Variants in GTPBP6 observed in about 807,000 individuals in gnomAD.
GTPBP6 encodes GTP binding protein 6.
A neutral mutation model predicts 28.9 loss-of-function variants in GTPBP6; 33 were observed. That is an observed-to-expected ratio of 1.14 (90% confidence interval 0.87 to 1.53). The LOEUF is 1.53. Among genes scored for constraint, GTPBP6 ranks in the 40% most tolerant of loss-of-function variants. GTPBP6 has a pLI of 0.00. For missense variants in GTPBP6, 507 were observed against 408.3 expected (o/e 1.24, Z -2.08); for synonymous variants, 231 against 192.7 (o/e 1.20, Z -1.65).
intron 2 of GTPBP6, among the ~76,000 whole-genome samples, chrX:315,716 TC>T (rs2124475232): frequency 2.3e-4 from 2 of 8,696 alleles, no homozygotes; most frequent in Middle Eastern, 0.071. Context: ...AGTAAATACA[TC>T]CCGACAGGGA....
chrX:313,539 A>G (rs35174923), intron 5 of GTPBP6, among the ~76,000 whole-genome samples: 52,559 of 151,808 alleles, frequency 0.35, 10,054 homozygotes, highest in South Asian at 0.52. Flanking sequence ...TCCACATCCT[A>G]ATTCCCAGAA....
chrX:315,056 G>T, intron 3 of GTPBP6, 36 bp from the exon 4 acceptor site: 1 of 398,756 alleles, frequency 2.5e-6, no homozygotes, highest in East Asian at 3.6e-5. Context: ...AGCCACGGGG[G>T]AAGGCCGGGC....
intron 7 of GTPBP6, among the ~76,000 whole-genome samples, chrX:309,058 G>A (rs2070232016): frequency 6.6e-6 from 1 of 152,158 alleles, no homozygotes; most frequent in African/African-American, 2.4e-5. Context: ...CGAAAGCGGA[G>A]TCCAGGCTCC....
At chrX:305,897 T>C (rs890608732) in intron 9 of GTPBP6, among the ~76,000 whole-genome samples, 1 of 152,158 alleles carries the variant, frequency 6.6e-6, no homozygotes, top group Non-Finnish European at 1.5e-5. Context: ...GTGTTGGGAT[T>C]ACAGGTGTGA....
At chrX:317,432 T>C (rs9652796) in intron 1 of GTPBP6, among the ~76,000 whole-genome samples, 5 of 151,924 alleles carry the variant, frequency 3.3e-5, no homozygotes, top group African/African-American at 1.2e-4. Context: ...GTTCCAGGAA[T>C]TAGCCATTTT....
At chrX:305,330 T>C (rs1263674972) in intron 9 of GTPBP6, 133 bp from the exon 10 acceptor site, 1 of 752,734 alleles carries the variant, frequency 1.3e-6, no homozygotes, top group East Asian at 2.7e-5. Context: ...TTTTGTTTTT[T>C]TTTTTTTTTG....
intron 6 of GTPBP6, chrX:311,956 GTGGTGGTGC>G: frequency 1.8e-6 from 1 of 567,540 alleles, no homozygotes; most frequent in East Asian, 3.1e-5. Flanking sequence ...TGTAGGTGGG[GTGGTGGTGC>G]TGGTGTGGAT....
chrX:307,433 C>A (rs377284005), exon 9 of GTPBP6: 1 of 1,612,436 alleles, frequency 6.2e-7, no homozygotes, highest in Non-Finnish European at 8.5e-7. Context: ...ACCGCCGCAT[C>A]GAGCTCAGCT....
At position 306,902 on chromosome X, in the gene GTPBP6, GCA is replaced by G. The variant is rs1892664346; in HGVS notation, c.1427+456_1427+457del. On this transcript the variant is annotated intron_variant, in intron 9 of 9. Transcript: ENST00000326153. ...TCAGAAATGTACATTTTGACTGTCAGCACAGATTAGGCACCTGTTGTATGCAG... is the reference window on the plus strand; with the variant it reads ...TCAGAAATGTACATTTTGACTGTCAGCAGATTAGGCACCTGTTGTATGCAG... Among the ~76,000 whole-genome samples the G allele has an allele frequency of 3.6e-5, 3 of 82,600 alleles. No individual in the cohort carries two copies. The South Asian group carries it at 1.6e-3, about 44-fold the overall frequency. The allele number at this position is 82,600 out of a possible 152,430, so 54.2% of individuals were successfully genotyped here. A position where few individuals can be genotyped will look rare whatever the true frequency, so the allele number is the denominator to read the frequency against.
intron 7 of GTPBP6, among the ~76,000 whole-genome samples, chrX:309,627 C>G (rs1048909647): frequency 2.2e-4 from 33 of 151,942 alleles, no homozygotes; most frequent in Non-Finnish European, 4.3e-4. Flanking sequence ...GAGAAGGCCA[C>G]GTGGAGATGG....
exon 9 of GTPBP6, chrX:307,430 C>T: frequency 1.2e-6 from 2 of 1,612,562 alleles, no homozygotes; most frequent in Non-Finnish European, 1.7e-6. Flanking sequence ...AAAACCGCCG[C>T]ATCGAGCTCA....
chrX:313,016 C>T lies in GTPBP6; in HGVS notation c.758-92G>A, dbSNP rs914535473. 3.5e-5 allele frequency: 39 copies of T among 1,110,584 alleles called. No individual in the cohort carries two copies. The African/African-American group carries it at 5.7e-4, about 16-fold the overall frequency. 68.8% of individuals were successfully genotyped at this position (1,110,584 alleles called of 1,614,324 possible). ...GCGGAGGGTCTGCGGGGGCCCGGGG[C>T]CTGCTCCCGCTCCAGCATCTGGGGG... On this transcript the variant is annotated intron_variant, in intron 5 of 9. Coordinates refer to ENST00000326153, the Ensembl canonical transcript of GTPBP6.
At chrX:305,422 A>G (rs868003755) in intron 9 of GTPBP6, among the ~76,000 whole-genome samples, 1 of 151,200 alleles carries the variant, frequency 6.6e-6, no homozygotes, top group South Asian at 2.1e-4. Context: ...CCCGGGTTCA[A>G]GTGATTCTCC....
chrX:311,238 G>GGCCCCC lies in GTPBP6; in HGVS notation c.1125+180_1125+181insGGGGGC, dbSNP rs2070283235. On this transcript the variant is annotated intron_variant, in intron 7 of 9. Transcript: ENST00000326153. ...TGGCTTTGTGTGTGTCTGAGTGCCT[G>GGCCCCC]GTCCCCGTGCCCAGTGGGTGTCCGA... 8.3e-5 allele frequency among the ~76,000 whole-genome samples: 5 copies of GGCCCCC among 60,230 alleles called. 2 individuals carry two copies. Among genetic ancestry groups the GGCCCCC allele is most frequent in the South Asian group, 1.6e-3 (2 of 1,272 alleles). 39.5% of individuals were successfully genotyped at this position (60,230 alleles called of 152,430 possible).
chrX:305,843 C>G (rs1173719234), intron 9 of GTPBP6, among the ~76,000 whole-genome samples: 3 of 152,108 alleles, frequency 2.0e-5, no homozygotes, highest in Non-Finnish European at 4.4e-5. Context: ...CCAGGCTGGT[C>G]TCGATCTCCT....
In GTPBP6 at chrX:317,081, A is replaced by T. The variant is rs1426613420; in HGVS notation, c.350-30T>A. The stretch of plus-strand genomic sequence containing the variant: ...GGGGACACAAGGGCCACCGTGAGAG[A>T]CGCTTCTGCCCGGGGCCCCCGTCCA... On this transcript the variant is annotated intron_variant, in intron 1 of 9. Transcript: ENST00000326153. 1.5e-5 allele frequency: 6 copies of T among 394,678 alleles called. No individual in the cohort carries two copies. In the East Asian group the frequency reaches 2.1e-4, roughly 14 times the overall value. 24.4% of individuals were successfully genotyped at this position (394,678 alleles called of 1,614,324 possible). A position where few individuals can be genotyped will look rare whatever the true frequency, so the allele number is the denominator to read the frequency against.
chrX:306,849 GCA>G (rs1224140205), intron 9 of GTPBP6, among the ~76,000 whole-genome samples: 3 of 146,674 alleles, frequency 2.0e-5, no homozygotes, highest in Non-Finnish European at 4.5e-5. Flanking sequence ...TTGAGTGTCA[GCA>G]CAGATTAGGC....
intron 7 of GTPBP6, among the ~76,000 whole-genome samples, chrX:311,092 G>A (rs2070278032): frequency 6.6e-6 from 1 of 151,670 alleles, no homozygotes; most frequent in South Asian, 2.1e-4. Flanking sequence ...CGGTGAGGCT[G>A]GGGCAACCGC....
At chrX:305,262 T>A in intron 9 of GTPBP6, 65 bp from the exon 10 acceptor site, 2 of 1,223,428 alleles carry the variant, frequency 1.6e-6, no homozygotes, top group Non-Finnish European at 2.4e-6. Context: ...AGTTTCATGA[T>A]AAATAATTAC....
Sources: gnomAD v4.1 joint callset for allele counts (sites outside exome capture counted in the v4.1 genomes callset) on GRCh38, gnomAD v4.1.1 for gene constraint, MANE v1.5 for transcripts, NCBI Gene and HGNC (gene_info 2026-07-23, HGNC 2026-07-21) for gene names.